The following DPH6 variants were observed in gnomAD, a reference collection of about 807,000 sequenced individuals.
The protein encoded by DPH6 is diphthine--ammonia ligase.
A neutral mutation model predicts 38.2 loss-of-function variants in DPH6; 33 were observed. The observed-to-expected ratio is 0.86, with a 90% CI of 0.65 to 1.15. The LOEUF is 1.15. Among genes scored for constraint, DPH6 ranks in the 50% most tolerant of loss-of-function variants. The pLI, the probability that DPH6 is intolerant of heterozygous loss-of-function variation, is 0.00. For synonymous variants in DPH6, 108 were observed against 103.0 expected, an observed-to-expected ratio of 1.05 and a Z score of -0.30; for missense variants, 325 against 320.0, an observed-to-expected ratio of 1.02 and a Z score of -0.12.
intron 5 of DPH6, among the ~76,000 whole-genome samples, chr15:35,412,454 T>C (rs1030511578): frequency 4.0e-5 from 6 of 151,722 alleles, no homozygotes; most frequent in African/African-American, 1.4e-4. Flanking sequence ...ATTCTTACTA[T>C]ACGATCCAAC....
the DPH6 span, among the ~76,000 whole-genome samples, chr15:35,203,423 A>G: frequency 6.6e-6 from 1 of 151,692 alleles, no homozygotes; most frequent in African/African-American, 2.4e-5. Context: ...ACTATTCCCC[A>G]TTTGACCCAC....
intron 6 of DPH6, among the ~76,000 whole-genome samples, chr15:35,384,981 A>T (rs1354975780): frequency 6.6e-6 from 1 of 152,222 alleles, no homozygotes; most frequent in African/African-American, 2.4e-5. Flanking sequence ...ACTTCTCAAA[A>T]GAAGACATTT....
intron 3 of DPH6, chr15:35,521,508 T>C (rs16961184): frequency 0.063 from 76,371 of 1,216,830 alleles, 3,829 homozygotes; most frequent in African/African-American, 0.25. Flanking sequence ...AAAGTGCTGA[T>C]AGGACTATGA....
downstream of DPH6, among the ~76,000 whole-genome samples, chr15:35,367,094 C>T (rs1469134069): frequency 6.6e-6 from 1 of 151,652 alleles, no homozygotes; most frequent in Non-Finnish European, 1.5e-5. Flanking sequence ...TTAAAAGTGA[C>T]AACTTTTAAA....
At chr15:35,341,148 C>T (rs531202465) in intron 3 of DPH6, among the ~76,000 whole-genome samples, 9 of 152,210 alleles carry the variant, frequency 5.9e-5, no homozygotes, top group Non-Finnish European at 1.3e-4. Flanking sequence ...GAGATTCTTT[C>T]CTCCGCTCAG....
At chr15:35,453,299 A>G (rs761680447) in intron 4 of DPH6, among the ~76,000 whole-genome samples, 60 of 151,890 alleles carry the variant, frequency 4.0e-4, no homozygotes, top group Non-Finnish European at 7.2e-4. Context: ...ATATATACAC[A>G]TATATGTAAT....
intron 5 of DPH6, among the ~76,000 whole-genome samples, chr15:35,422,074 T>C (rs747879471): frequency 6.6e-6 from 1 of 151,890 alleles, no homozygotes; most frequent in Non-Finnish European, 1.5e-5. Flanking sequence ...TTTTTGGCTT[T>C]GAGCAAATTA....
At chr15:35,510,039 G>A (rs999711909) in intron 3 of DPH6, among the ~76,000 whole-genome samples, 8 of 152,068 alleles carry the variant, frequency 5.3e-5, no homozygotes, top group Non-Finnish European at 1.0e-4. Context: ...AACATAGCAC[G>A]ACCCTGTCTC....
intron 5 of DPH6, among the ~76,000 whole-genome samples, chr15:35,439,684 G>A (rs1194958083): frequency 6.6e-6 from 1 of 151,876 alleles, no homozygotes; most frequent in African/African-American, 2.4e-5. Context: ...TTGCTAACAG[G>A]TCCAGGAGCC....
At chr15:35,336,716 G>C (rs990597089) in intron 3 of DPH6, among the ~76,000 whole-genome samples, 1 of 152,138 alleles carries the variant, frequency 6.6e-6, no homozygotes, top group Non-Finnish European at 1.5e-5. Flanking sequence ...TGTGGCTTTT[G>C]TCTTTGGTTC....
At chr15:35,426,397 C>T (rs945338612) in intron 5 of DPH6, among the ~76,000 whole-genome samples, 23 of 151,812 alleles carry the variant, frequency 1.5e-4, no homozygotes, top group African/African-American at 5.3e-4. Flanking sequence ...TTAACCTTTA[C>T]TGTTCAGCAT....
chr15:35,224,499 G>A (rs2051466306), intron 3 of DPH6, among the ~76,000 whole-genome samples: 1 of 152,172 alleles, frequency 6.6e-6, no homozygotes, highest in Non-Finnish European at 1.5e-5. Flanking sequence ...TGCTTCAAAT[G>A]TTTAGCAATT....
At chr15:35,405,833 C>G (rs1229891578) in intron 6 of DPH6, among the ~76,000 whole-genome samples, 4 of 151,944 alleles carry the variant, frequency 2.6e-5, no homozygotes, top group Non-Finnish European at 4.4e-5. Context: ...CGCTGTGGAT[C>G]TGTCATATAA....
rs554438994 is a variant in DPH6, at chr15:35,469,773, C to T, written c.313-14953G>A. On this transcript the variant is annotated intron_variant, in intron 3 of 8. Coordinates refer to ENST00000256538, the MANE Select transcript of DPH6 (RefSeq NM_080650.4). Reference sequence around the variant, plus strand: ...AATCAGGTAACATAAATGTGTATACCAGTGGTAGCTGAAGCCATGTGAAGA... The same window carrying T: ...AATCAGGTAACATAAATGTGTATACTAGTGGTAGCTGAAGCCATGTGAAGA... Among the ~76,000 whole-genome samples, 2 of 152,144 alleles carry T rather than the reference C, an allele frequency of 1.3e-5. 1 individual carries two copies. Among genetic ancestry groups the T allele is most frequent in the South Asian group, 4.2e-4 (2 of 4,802 alleles).
chr15:35,404,142 G>A (rs140518595), intron 6 of DPH6, among the ~76,000 whole-genome samples: 109 of 152,260 alleles, frequency 7.2e-4, no homozygotes, highest in African/African-American at 2.5e-3. Context: ...GGACACTTGG[G>A]TTGCTTCCAA....
At chr15:35,518,153 C>A (rs1351828781) in intron 3 of DPH6, among the ~76,000 whole-genome samples, 2 of 151,958 alleles carry the variant, frequency 1.3e-5, no homozygotes, top group Non-Finnish European at 2.9e-5. Flanking sequence ...CAGAATTAGG[C>A]ACTATGAATT....
At chr15:35,367,528 T>C (rs530545099), downstream of DPH6, among the ~76,000 whole-genome samples, 6 of 151,992 alleles carry the variant, frequency 3.9e-5, no homozygotes, top group Non-Finnish European at 7.4e-5. Context: ...ATGCATGGTA[T>C]ATTTTACTAT....
At chr15:35,407,262 A>T (rs1240350802) in intron 6 of DPH6, among the ~76,000 whole-genome samples, 3 of 74,680 alleles carry the variant, frequency 4.0e-5, no homozygotes, top group South Asian at 5.3e-4. Context: ...ATTTTTTTTT[A>T]AAGAAGGTTT....
chr15:35,467,048 TA>T (rs375547447), intron 3 of DPH6, among the ~76,000 whole-genome samples: 1,799 of 149,776 alleles, frequency 0.012, 39 homozygotes, highest in African/African-American at 0.04. Context: ...ACTAAATTTA[TA>T]AAAAAAAAAT....
Sources: gnomAD v4.1 joint callset for allele counts (sites outside exome capture counted in the v4.1 genomes callset) on GRCh38, gnomAD v4.1.1 for gene constraint, MANE v1.5 for transcripts, NCBI Gene and HGNC (gene_info 2026-07-23, HGNC 2026-07-21) for gene names.